Variants in LGI1 observed in about 807,000 individuals in gnomAD.
LGI1 encodes leucine rich glioma inactivated 1, also known as leucine-rich glioma-inactivated protein 1.
LGI1 carries 11 observed loss-of-function variants against 57.7 expected under a neutral mutation model. The observed-to-expected ratio is 0.19, with a 90% CI of 0.12 to 0.32. LGI1 has a LOEUF of 0.32. LGI1 is among the 10% of genes least tolerant of loss of function. The pLI is 1.00. For synonymous variants in LGI1, 222 were observed against 241.9 expected, an observed-to-expected ratio of 0.92 and a Z score of 0.76; for missense variants, 422 against 661.9, an observed-to-expected ratio of 0.64 and a Z score of 3.98.
chr10:93,782,095 G>A (rs2059852309), intron 4 of LGI1, among the ~76,000 whole-genome samples: 2 of 152,140 alleles, frequency 1.3e-5, no homozygotes, highest in Non-Finnish European at 2.9e-5. Context: ...GACTGCCTGG[G>A]TTCAACTGTC....
intron 2 of LGI1, among the ~76,000 whole-genome samples, chr10:93,774,754 C>T (rs577182295): frequency 1.3e-4 from 20 of 152,064 alleles, no homozygotes; most frequent in Non-Finnish European, 2.8e-4. Context: ...GGGTTGGGCA[C>T]GGTTTCCCTT....
At chr10:93,777,656 A>G (rs1401741017) in intron 4 of LGI1, 39 bp downstream of exon 4, 2 of 1,513,592 alleles carry the variant, frequency 1.3e-6, no homozygotes, top group Non-Finnish European at 9.2e-7. Flanking sequence ...AAGCTTGCTA[A>G]TGGACAATGC....
intron 5 of LGI1, chr10:93,790,437 G>T: frequency 2.3e-6 from 1 of 434,912 alleles, no homozygotes; most frequent in Non-Finnish European, 4.0e-6. Flanking sequence ...GATGATAAAG[G>T]ACTTTGACGG....
At chr10:93,779,222 C>A (rs1049468431) in intron 4 of LGI1, among the ~76,000 whole-genome samples, 1 of 151,202 alleles carries the variant, frequency 6.6e-6, no homozygotes, top group African/African-American at 2.5e-5. Context: ...ACATCCCAAT[C>A]CACATGGCCT....
intron 2 of LGI1, among the ~76,000 whole-genome samples, chr10:93,766,028 A>G (rs1308262032): frequency 2.0e-5 from 3 of 152,078 alleles, no homozygotes; most frequent in African/African-American, 4.8e-5. Flanking sequence ...CTAACAAACC[A>G]ATACATTAGG....
At chr10:93,773,740 A>T (rs1179696868) in intron 2 of LGI1, among the ~76,000 whole-genome samples, 1 of 152,138 alleles carries the variant, frequency 6.6e-6, no homozygotes, top group South Asian at 2.1e-4. Context: ...CAGATCAGGC[A>T]CACCCCTGTG....
In LGI1 at chr10:93,797,461, G is replaced by A. The variant is rs747529084; in HGVS notation, c.1332G>A (p.Val444=). 4.3e-6 allele frequency: 7 copies of A among 1,614,204 alleles called. No individual in the cohort carries two copies. In the South Asian group the frequency reaches 7.7e-5, roughly 18 times the overall value. Residue 444 remains valine (V), a synonymous_variant, in exon 8 of 8, where the codon GTG becomes GTA. Coordinates refer to ENST00000371418, the MANE Select transcript of LGI1 (RefSeq NM_005097.4). This position sits in a 1 kb window ranked among gnomAD's most constrained non-coding sequence, Gnocchi z 6.5. The stretch of plus-strand genomic sequence containing the variant: ...AGCACTTCTCAGTGAAAGGGGACGT[G>A]TACATTTGCTTGACAAGATTCATTG... ...AVKHFSVKGD[V]YICLTRFIGD...
intron 4 of LGI1, 113 bp downstream of exon 4, chr10:93,777,730 A>C: frequency 1.3e-6 from 1 of 791,532 alleles, no homozygotes; most frequent in Non-Finnish European, 2.2e-6. Context: ...AAGAAACCCA[A>C]ATGACTTCTC....
At position 93,758,856 on chromosome 10, in the gene LGI1, A is replaced by C. The variant is rs765312597; in HGVS notation, c.287+25A>C. Reference sequence around the variant, plus strand: ...TGTGAGAAATATTTATATCATGACTATTTTTAATATGGCATATATTTGGAT... The same window carrying C: ...TGTGAGAAATATTTATATCATGACTCTTTTTAATATGGCATATATTTGGAT... On this transcript the variant is annotated intron_variant, in intron 2 of 7. Transcript: ENST00000371418. This position sits in a 1 kb window ranked among gnomAD's most constrained non-coding sequence, Gnocchi z 4.7. 30 of 1,481,586 alleles carry C rather than the reference A, an allele frequency of 2.0e-5. No individual in the cohort carries two copies. The South Asian group carries it at 3.3e-4, about 16-fold the overall frequency. The allele number at this position is 1,481,586 out of a possible 1,614,324, so 91.8% of individuals were successfully genotyped here. A position where few individuals can be genotyped will look rare whatever the true frequency, so the allele number is the denominator to read the frequency against.
intron 2 of LGI1, chr10:93,770,697 G>C (rs2133991618): frequency 6.6e-6 from 1 of 152,276 alleles, no homozygotes; most frequent in South Asian, 2.1e-4. Context: ...ACAGACAGCA[G>C]AATCTGGAGG....
chr10:93,773,983 C>T (rs1292667689), intron 2 of LGI1, among the ~76,000 whole-genome samples: 1 of 152,046 alleles, frequency 6.6e-6, no homozygotes, highest in East Asian at 1.9e-4. Context: ...TTCATAAACC[C>T]CTCCATGATG....
At chr10:93,765,652 A>G (rs2059665935) in intron 2 of LGI1, 1 of 152,222 alleles carries the variant, frequency 6.6e-6, no homozygotes, top group Non-Finnish European at 1.5e-5. Flanking sequence ...CGTTAATATA[A>G]TATAGAAATG....
intron 2 of LGI1, chr10:93,770,682 T>C (rs2059727313): frequency 6.6e-6 from 1 of 152,078 alleles, no homozygotes; most frequent in African/African-American, 2.4e-5. Context: ...TCATGACCCG[T>C]CCCTACAGAC....
intron 4 of LGI1, chr10:93,778,738 C>T (rs2059819241): frequency 6.6e-6 from 1 of 152,198 alleles, no homozygotes; most frequent in African/African-American, 2.4e-5. Context: ...GTGTCATAGT[C>T]ATTCTGTCAG....
chr10:93,758,934 T>G lies in LGI1; in HGVS notation c.287+103T>G. ...TTAATTTTGTCAAATGTGATTCTAT[T>G]TCTGAGAAAACAGAATATCCGTAAA... On this transcript the variant is annotated intron_variant, in intron 2 of 7. Coordinates refer to ENST00000371418, the MANE Select transcript of LGI1 (RefSeq NM_005097.4). The surrounding 1 kb of genome is among the most constrained non-coding windows in gnomAD (Gnocchi z 4.7). The G allele has an allele frequency of 2.1e-6, 2 of 931,700 alleles. No homozygotes were observed. The highest frequency in any genetic ancestry group is 1.7e-6 in the Non-Finnish European group (1 of 582,818). 57.7% of individuals were successfully genotyped at this position (931,700 alleles called of 1,614,324 possible).
intron 4 of LGI1, chr10:93,780,463 A>G (rs929847954): frequency 6.6e-6 from 1 of 152,186 alleles, no homozygotes; most frequent in African/African-American, 2.4e-5. Flanking sequence ...ATCCTTCCCA[A>G]TCAAGGCAAA....
chr10:93,797,339 A>T lies in LGI1; in HGVS notation c.1210A>T (p.Ser404Cys), dbSNP rs1564853070. 10 of 1,614,082 alleles carry T rather than the reference A, an allele frequency of 6.2e-6. No homozygotes were observed. The highest frequency in any genetic ancestry group is 8.5e-6 in the Non-Finnish European group (10 of 1,180,032). ...LRTPHLILSS[S>C]SQRPVIYQWN... is the part of the protein sequence containing the mutation. ...AACGCCTCATTTAATTCTGTCTAGT[A>T]GTTCCCAGCGTCCTGTAATTTATCA... Residue 404 changes from serine to cysteine, a missense_variant, in exon 8 of 8, where the codon AGT becomes TGT. By Grantham distance (112) the Ser-to-Cys change is moderately radical. Transcript: ENST00000371418. The surrounding 1 kb of genome is among the most constrained non-coding windows in gnomAD (Gnocchi z 6.5).
At chr10:93,786,895 A>C (rs781065341) in intron 4 of LGI1, among the ~76,000 whole-genome samples, 1 of 152,126 alleles carries the variant, frequency 6.6e-6, no homozygotes, top group Admixed American at 6.6e-5. Flanking sequence ...TGCCCTGGCA[A>C]CCTGTTACAT....
intron 5 of LGI1, chr10:93,790,796 G>GA (rs1344722124): frequency 1.2e-4 from 19 of 152,428 alleles, no homozygotes; most frequent in African/African-American, 3.9e-4. Context: ...TCTTTGCAAG[G>GA]AATTTGTATA....
Sources: gnomAD v4.1 joint callset for allele counts (sites outside exome capture counted in the v4.1 genomes callset) on GRCh38, gnomAD v4.1.1 for gene constraint, Gnocchi (gnomAD v3.1) non-coding constraint, MANE v1.5 for transcripts, NCBI Gene and HGNC (gene_info 2026-07-23, HGNC 2026-07-21) for gene names.